LSAMP: variants seen among roughly 807,000 people sequenced by gnomAD.
The protein encoded by LSAMP is limbic system associated membrane protein.
LSAMP carries 7 observed loss-of-function variants against 38.6 expected under a neutral mutation model. The ratio of observed to expected loss-of-function variants is 0.18; its 90% CI spans 0.10 to 0.34. LSAMP has a LOEUF of 0.34. Among genes scored for constraint, LSAMP ranks in the 10% least tolerant of loss-of-function variants. The pLI, the probability that LSAMP is intolerant of heterozygous loss-of-function variation, is 1.00. For missense variants in LSAMP, 313 were observed against 420.0 expected (o/e 0.75, Z 2.23); for synonymous variants, 154 against 166.8 (o/e 0.92, Z 0.59).
chr3:115,816,307 C>T (rs1934015773), intron 6 of LSAMP, among the ~76,000 whole-genome samples: 1 of 152,138 alleles, frequency 6.6e-6, no homozygotes, highest in South Asian at 2.1e-4. Context: ...AATTGCAGCT[C>T]TGTCAGAATG....
intron 6 of LSAMP, among the ~76,000 whole-genome samples, chr3:115,838,971 G>A (rs975885805): frequency 2.0e-5 from 3 of 152,086 alleles, no homozygotes; most frequent in Non-Finnish European, 2.9e-5. Flanking sequence ...AGAGGCTCAC[G>A]AGCTGCCTGT....
At chr3:116,430,019 G>A (rs1205196894) in intron 1 of LSAMP, among the ~76,000 whole-genome samples, 1 of 152,196 alleles carries the variant, frequency 6.6e-6, no homozygotes, top group East Asian at 1.9e-4. Flanking sequence ...GTGTGGCAAA[G>A]TAATAGAGGG....
At chr3:116,160,784 T>A (rs183478971) in intron 1 of LSAMP, among the ~76,000 whole-genome samples, 7 of 152,314 alleles carry the variant, frequency 4.6e-5, no homozygotes, top group Admixed American at 4.6e-4. Flanking sequence ...TCATTGCACA[T>A]AAAGAACATT....
At chr3:115,920,110 C>T (rs1330745349) in intron 3 of LSAMP, among the ~76,000 whole-genome samples, 2 of 152,164 alleles carry the variant, frequency 1.3e-5, no homozygotes. Flanking sequence ...GGTGTTTCTA[C>T]CTCCTGGCTA....
At chr3:116,177,057 G>A (rs1203271186) in intron 1 of LSAMP, among the ~76,000 whole-genome samples, 1 of 152,074 alleles carries the variant, frequency 6.6e-6, no homozygotes, top group African/African-American at 2.4e-5. Flanking sequence ...GGCAAAAGTA[G>A]TAGCTTTTCT....
chr3:115,901,045 T>G (rs748394906), intron 3 of LSAMP, among the ~76,000 whole-genome samples: 1 of 152,160 alleles, frequency 6.6e-6, no homozygotes, highest in Admixed American at 6.6e-5. Context: ...CTTTGCTTAG[T>G]AGTGAGTAGC....
intron 1 of LSAMP, among the ~76,000 whole-genome samples, chr3:116,397,513 G>T (rs910612970): frequency 2.0e-5 from 3 of 150,240 alleles, no homozygotes; most frequent in African/African-American, 2.5e-5. Flanking sequence ...TTATATTATT[G>T]TCTATCTCCC....
chr3:116,444,704 G>A (rs1249552971), intron 1 of LSAMP, among the ~76,000 whole-genome samples, 173 bp downstream of exon 1: 2 of 150,440 alleles, frequency 1.3e-5, no homozygotes, highest in Middle Eastern at 3.5e-3. Flanking sequence ...CAACCAGTCA[G>A]TAAAACAGGG....
chr3:116,097,597 A>G (rs987036815), intron 1 of LSAMP, among the ~76,000 whole-genome samples: 1 of 152,214 alleles, frequency 6.6e-6, no homozygotes, highest in Non-Finnish European at 1.5e-5. Context: ...TAAGCCCATG[A>G]GTAAATAAGT....
At chr3:115,852,653 G>A in intron 3 of LSAMP, 36 bp from the exon 4 acceptor site, 2 of 1,586,238 alleles carry the variant, frequency 1.3e-6, no homozygotes, top group South Asian at 2.3e-5. Context: ...CTTTTTTAAA[G>A]TCTGAAATAG....
intron 1 of LSAMP, among the ~76,000 whole-genome samples, chr3:116,308,334 C>T (rs1222210086): frequency 1.3e-5 from 2 of 152,046 alleles, no homozygotes; most frequent in Non-Finnish European, 1.5e-5. Flanking sequence ...ACATGTATCT[C>T]TTTCCCCGGA....
intron 3 of LSAMP, among the ~76,000 whole-genome samples, chr3:116,010,969 A>G (rs1469003778): frequency 6.6e-6 from 1 of 152,214 alleles, no homozygotes; most frequent in Non-Finnish European, 1.5e-5. Context: ...TAATATGCCA[A>G]TTAATATCTT....
At chr3:116,017,026 T>C (rs1940504194) in intron 3 of LSAMP, among the ~76,000 whole-genome samples, 2 of 152,100 alleles carry the variant, frequency 1.3e-5, no homozygotes, top group African/African-American at 4.8e-5. Context: ...CTTGAAGACA[T>C]GGCTTGTCCT....
rs139504263 is a variant in LSAMP, at chr3:116,386,005, T to G, written c.155+58872A>C. 4.7e-3 allele frequency among the ~76,000 whole-genome samples: 710 copies of G among 152,194 alleles called. 15 individuals carry two copies. Among genetic ancestry groups the G allele is most frequent in the African/African-American group, 0.016 (683 of 41,490 alleles). On this transcript the variant is annotated intron_variant, in intron 1 of 6. Transcript: ENST00000490035. ...GGCCAGAAACTGTGCTAATTACTTA[T>G]GTATTATCTTATTTAATCCTCAAAA...
At chr3:115,859,688 G>C (rs1935617514) in intron 3 of LSAMP, among the ~76,000 whole-genome samples, 1 of 152,198 alleles carries the variant, frequency 6.6e-6, no homozygotes, top group Non-Finnish European at 1.5e-5. Context: ...ATGAGCATGG[G>C]CCAAATGAAA....
intron 1 of LSAMP, among the ~76,000 whole-genome samples, chr3:116,338,768 C>T (rs937251590): frequency 1.3e-5 from 2 of 152,018 alleles, no homozygotes; most frequent in Non-Finnish European, 2.9e-5. Context: ...CTGAAGGAAG[C>T]TGACAAGGCT....
chr3:116,041,886 T>G (rs780503456), intron 2 of LSAMP, among the ~76,000 whole-genome samples: 1 of 152,002 alleles, frequency 6.6e-6, no homozygotes, highest in Non-Finnish European at 1.5e-5. Flanking sequence ...GAAAACTTCA[T>G]AAATGTGGGG....
chr3:115,881,306 CA>C (rs1415253129), intron 3 of LSAMP, among the ~76,000 whole-genome samples: 2 of 152,116 alleles, frequency 1.3e-5, no homozygotes. Flanking sequence ...ATTAGTAAAT[CA>C]AATTGTCACA....
intron 2 of LSAMP, among the ~76,000 whole-genome samples, chr3:116,047,998 C>A (rs1052719287): frequency 3.3e-5 from 5 of 152,188 alleles, no homozygotes; most frequent in African/African-American, 1.2e-4. Flanking sequence ...CCTTGGCATC[C>A]ATGCACCTTT....
Sources: gnomAD v4.1 joint callset for allele counts (sites outside exome capture counted in the v4.1 genomes callset) on GRCh38, gnomAD v4.1.1 for gene constraint, MANE v1.5 for transcripts, NCBI Gene and HGNC (gene_info 2026-07-23, HGNC 2026-07-21) for gene names.